SCUBE1: variants seen among roughly 807,000 people sequenced by gnomAD.
The protein encoded by SCUBE1 is signal peptide, CUB and EGF-like domain-containing protein 1.
SCUBE1 carries 59 observed loss-of-function variants against 124.4 expected under a neutral mutation model. The ratio of observed to expected loss-of-function variants is 0.47; its 90% CI spans 0.38 to 0.59. The LOEUF is 0.59. Ranked by LOEUF, SCUBE1 falls within the 20% of genes least tolerant of loss-of-function variation. The pLI is 0.00. For synonymous variants in SCUBE1, 545 were observed against 550.9 expected (o/e 0.99, Z 0.15); for missense variants, 1,150 against 1,371.2 (o/e 0.84, Z 2.55).
intron 6 of SCUBE1, among the ~76,000 whole-genome samples, chr22:43,256,173 G>T (rs1923654053): frequency 6.6e-6 from 1 of 152,198 alleles, no homozygotes; most frequent in Admixed American, 6.5e-5. Context: ...AATAGACACA[G>T]AAAAACCACG....
At chr22:43,259,902 T>C (rs1396008027) in intron 5 of SCUBE1, among the ~76,000 whole-genome samples, 1 of 152,160 alleles carries the variant, frequency 6.6e-6, no homozygotes, top group Non-Finnish European at 1.5e-5. Context: ...CAGGAGTGAC[T>C]CTTCTCCAGG....
At chr22:43,246,040 G>C (rs1409582206) in intron 6 of SCUBE1, among the ~76,000 whole-genome samples, 3 of 152,148 alleles carry the variant, frequency 2.0e-5, no homozygotes, top group African/African-American at 7.2e-5. Flanking sequence ...GTGGCACCAG[G>C]TGTATGGAAG....
intron 13 of SCUBE1, 83 bp downstream of exon 13, chr22:43,221,090 G>A: frequency 9.9e-7 from 1 of 1,007,860 alleles, no homozygotes; most frequent in Non-Finnish European, 1.5e-6. Context: ...CAGACTCGCT[G>A]GACCCTGGGG....
intron 14 of SCUBE1, among the ~76,000 whole-genome samples, chr22:43,219,561 C>T (rs1248948390): frequency 2.0e-5 from 3 of 151,620 alleles, no homozygotes; most frequent in Admixed American, 6.6e-5. Flanking sequence ...GCAATCTCTG[C>T]CTCCCAGGTT....
chr22:43,309,946 T>C (rs1055047588), intron 3 of SCUBE1, among the ~76,000 whole-genome samples: 1 of 152,186 alleles, frequency 6.6e-6, no homozygotes, highest in Non-Finnish European at 1.5e-5. Flanking sequence ...GCCACTGCAG[T>C]GGTTTCCCTG....
At chr22:43,212,714 G>A in intron 16 of SCUBE1, 122 bp from the exon 17 acceptor site, 2 of 969,354 alleles carry the variant, frequency 2.1e-6, no homozygotes, top group South Asian at 1.5e-5. Context: ...GGCACCCGAG[G>A]CCTGGGGTGG....
At chr22:43,208,020 C>T (rs1921368598) in intron 20 of SCUBE1, 52 bp downstream of exon 20, 1 of 1,602,870 alleles carries the variant, frequency 6.2e-7, no homozygotes, top group African/African-American at 1.3e-5. Context: ...TCTGTGTCTC[C>T]AGGGCCCCGC....
intron 4 of SCUBE1, among the ~76,000 whole-genome samples, chr22:43,285,577 C>A (rs1034073905): frequency 6.6e-6 from 1 of 152,166 alleles, no homozygotes; most frequent in South Asian, 2.1e-4. Flanking sequence ...GAGGCAGAGC[C>A]CAACAGTTTT....
intron 3 of SCUBE1, among the ~76,000 whole-genome samples, chr22:43,316,620 C>T (rs1926356603): frequency 6.6e-6 from 1 of 152,176 alleles, no homozygotes; most frequent in Admixed American, 6.5e-5. Context: ...CTGCACGCAC[C>T]AGGAGCTGAG....
chr22:43,311,572 C>CA (rs1207723891), intron 3 of SCUBE1, among the ~76,000 whole-genome samples: 2 of 151,512 alleles, frequency 1.3e-5, no homozygotes, highest in Admixed American at 6.6e-5. Context: ...AGGCGCCTGC[C>CA]ACCAAATCTG....
intron 14 of SCUBE1, among the ~76,000 whole-genome samples, chr22:43,219,511 G>C (rs571128910): frequency 1.3e-5 from 1 of 78,560 alleles, no homozygotes; most frequent in Non-Finnish European, 2.8e-5. Flanking sequence ...AGTCTCACTC[G>C]TCGCCAGGCT....
In SCUBE1 at chr22:43,291,193, G is replaced by A; in HGVS notation, c.350-13C>T. On this transcript the variant is annotated splice_polypyrimidine_tract_variant and intron_variant, in intron 3 of 21. Transcript: ENST00000360835. ...CACTCGTCCACATCTGTGAGAAAAG[G>A]AAGAGAAGGGGACCAGAGATCACAC... 1 of 1,601,542 alleles carries A rather than the reference G, an allele frequency of 6.2e-7. No homozygotes were observed. Among genetic ancestry groups the A allele is most frequent in the Non-Finnish European group, 8.6e-7 (1 of 1,169,508 alleles).
rs1170273521 is a variant in SCUBE1 at position 43,318,595 on chromosome 22, TG to T, written c.349+1341del. Among the ~76,000 whole-genome samples, 17 of 152,278 alleles carry T rather than the reference TG, an allele frequency of 1.1e-4. No individual in the cohort carries two copies. The South Asian group carries it at 2.3e-3, about 20-fold the overall frequency. The stretch of plus-strand genomic sequence containing the variant: ...CATGCTGACTATCTGATCACCACTA[TG>T]GTAAAAACACACTTGGATGCAGGTG... On this transcript the variant is annotated intron_variant, in intron 3 of 21. Coordinates refer to ENST00000360835, the MANE Select transcript of SCUBE1 (RefSeq NM_173050.5).
In SCUBE1 at chr22:43,208,240, C is replaced by T. The variant is rs1303502407; in HGVS notation, c.2582-16G>A. The T allele has an allele frequency of 5.0e-6, 8 of 1,613,288 alleles. No homozygotes were observed. In the East Asian group the frequency reaches 1.6e-4, roughly 31 times the overall value. ...GTGGGAGAGGCTGCGGGTGAAGCAT[C>T]ATTGCTGAGCTGCCACAGGTAGGCA... On this transcript the variant is annotated splice_polypyrimidine_tract_variant and intron_variant, in intron 19 of 21. Coordinates refer to ENST00000360835, the MANE Select transcript of SCUBE1 (RefSeq NM_173050.5).
chr22:43,214,059 C>T, intron 16 of SCUBE1, 31 bp downstream of exon 16: 2 of 507,344 alleles, frequency 3.9e-6, no homozygotes, highest in Non-Finnish European at 6.7e-6. Context: ...CCACCCCCCA[C>T]CCCCACCTCT....
chr22:43,210,358 C>A lies in SCUBE1; in HGVS notation c.2384-118G>T, dbSNP rs552849033. 1.2e-6 allele frequency: 1 copy of A among 814,738 alleles called. No homozygotes were observed. The highest frequency in any genetic ancestry group is 1.8e-6 in the Non-Finnish European group (1 of 557,162). 50.5% of individuals were successfully genotyped at this position (814,738 alleles called of 1,614,324 possible). ...GGGCTGGAAGGTGCTCTTGTCCCCC[C>A]CCACACTAGCCCTCGGACCCTGAGC... On this transcript the variant is annotated intron_variant, in intron 18 of 21. Coordinates refer to ENST00000360835, the MANE Select transcript of SCUBE1 (RefSeq NM_173050.5). The surrounding 1 kb of genome is among the most constrained non-coding windows in gnomAD (Gnocchi z 4.5).
chr22:43,288,462 C>G (rs1487459514), intron 4 of SCUBE1, among the ~76,000 whole-genome samples: 2 of 152,190 alleles, frequency 1.3e-5, no homozygotes, highest in Non-Finnish European at 2.9e-5. Context: ...CCACCAGGCC[C>G]CATGTTGTCC....
At chr22:43,280,300 G>A (rs1924714769) in intron 4 of SCUBE1, among the ~76,000 whole-genome samples, 1 of 151,950 alleles carries the variant, frequency 6.6e-6, no homozygotes, top group African/African-American at 2.4e-5. Context: ...ATGTGACGCG[G>A]GTAACAGGCC....
At chr22:43,337,522 C>T (rs1423962702) in intron 2 of SCUBE1, among the ~76,000 whole-genome samples, 1 of 152,228 alleles carries the variant, frequency 6.6e-6, no homozygotes, top group East Asian at 1.9e-4. Context: ...AGCAGCCGGG[C>T]CAGCCGCCCC....
Sources: gnomAD v4.1 joint callset for allele counts (sites outside exome capture counted in the v4.1 genomes callset) on GRCh38, gnomAD v4.1.1 for gene constraint, Gnocchi (gnomAD v3.1) non-coding constraint, MANE v1.5 for transcripts, NCBI Gene and HGNC (gene_info 2026-07-23, HGNC 2026-07-21) for gene names.